ANKRD30BL: variants seen among roughly 807,000 people sequenced by gnomAD.
The protein encoded by ANKRD30BL is putative ankyrin repeat domain-containing protein 30B-like.
Under a neutral mutation model 18.4 loss-of-function variants are expected in ANKRD30BL, and 20 were observed. That is an observed-to-expected ratio of 1.09 (90% CI 0.77 to 1.58). The LOEUF (loss-of-function observed/expected upper bound fraction) is 1.58. ANKRD30BL is among the 40% of genes most tolerant of loss of function. The pLI is 0.00. For missense variants in ANKRD30BL, 224 were observed against 268.6 expected (o/e 0.83, Z 1.16); for synonymous variants, 72 against 100.9 (o/e 0.71, Z 1.72).
intron 1 of ANKRD30BL, among the ~76,000 whole-genome samples, chr2:132,251,472 C>T (rs1680647060): frequency 6.6e-6 from 1 of 152,186 alleles, no homozygotes; most frequent in African/African-American, 2.4e-5. Flanking sequence ...GACACGTTTT[C>T]CTCCACCCCT....
chr2:132,235,810 C>T (rs200383126), intron 1 of ANKRD30BL, among the ~76,000 whole-genome samples: 2 of 152,132 alleles, frequency 1.3e-5, no homozygotes, highest in Admixed American at 6.6e-5. Context: ...GCTACCAATG[C>T]CTTTCTTCAC....
intron 1 of ANKRD30BL, among the ~76,000 whole-genome samples, chr2:132,202,955 C>A (rs1001543129): frequency 6.6e-6 from 1 of 152,144 alleles, no homozygotes; most frequent in African/African-American, 2.4e-5. Context: ...ACTGGGAGAG[C>A]CTCACATGCA....
chr2:132,201,860 T>C (rs984344783), intron 1 of ANKRD30BL, among the ~76,000 whole-genome samples: 1 of 152,186 alleles, frequency 6.6e-6, no homozygotes, highest in South Asian at 2.1e-4. Context: ...TATTGTGGCA[T>C]TATTCACAAT....
At chr2:132,160,356 C>T (rs1688020052) in intron 1 of ANKRD30BL, among the ~76,000 whole-genome samples, 1 of 150,694 alleles carries the variant, frequency 6.6e-6, no homozygotes, top group African/African-American at 2.4e-5. Flanking sequence ...CCGCCTTGGC[C>T]GCCCGAAGTG....
chr2:132,185,480 A>G (rs565872943), intron 1 of ANKRD30BL, among the ~76,000 whole-genome samples: 36 of 152,332 alleles, frequency 2.4e-4, no homozygotes, highest in African/African-American at 8.7e-4. Context: ...TCATGGAAAG[A>G]AAGCAAAAGT....
chr2:132,188,942 C>T (rs2104736352), intron 1 of ANKRD30BL, among the ~76,000 whole-genome samples: 1 of 152,172 alleles, frequency 6.6e-6, no homozygotes, highest in African/African-American at 2.4e-5. Context: ...CCTCCAACTC[C>T]AGTTAAGGTG....
intron 1 of ANKRD30BL, among the ~76,000 whole-genome samples, chr2:132,217,318 T>C (rs1244166765): frequency 8.5e-5 from 13 of 152,232 alleles, no homozygotes; most frequent in South Asian, 2.1e-4. Context: ...CTGTGTGCAT[T>C]CACCTCACAG....
chr2:132,152,700 C>T (rs1162368191), intron 4 of ANKRD30BL: 1 of 152,032 alleles, frequency 6.6e-6, no homozygotes, highest in Non-Finnish European at 1.5e-5. Flanking sequence ...AAATGGATCT[C>T]TAATTTCTTC....
At chr2:132,222,218 G>T (rs543400489) in intron 1 of ANKRD30BL, among the ~76,000 whole-genome samples, 3,374 of 140,608 alleles carry the variant, frequency 0.024, 109 homozygotes, top group African/African-American at 0.086. Context: ...TGGTGGGGGG[G>T]TCAGCCCCCC....
At chr2:132,256,249 A>G (rs1030859566) in intron 1 of ANKRD30BL, among the ~76,000 whole-genome samples, 9 of 150,120 alleles carry the variant, frequency 6.0e-5, no homozygotes, top group Non-Finnish European at 1.2e-4. Flanking sequence ...CCCAGTTGCG[A>G]GATTGGGCGC....
In ANKRD30BL at chr2:132,222,832, T is replaced by TTA. The variant is rs559303905; in HGVS notation, n.441+34696_441+34697insTA. Among the ~76,000 whole-genome samples, 85 of 52,822 alleles carry TTA rather than the reference T, an allele frequency of 1.6e-3. 1 individual carries two copies. Among genetic ancestry groups the TTA allele is most frequent in the Admixed American group, 5.4e-3 (14 of 2,610 alleles). 34.7% of individuals were successfully genotyped at this position (52,822 alleles called of 152,430 possible). A position where few individuals can be genotyped will look rare whatever the true frequency, so the allele number is the denominator to read the frequency against. On this transcript the variant is annotated intron_variant and non_coding_transcript_variant, in intron 1 of 4. Transcript: ENST00000470729. The stretch of plus-strand genomic sequence containing the variant: ...GTGAGAAACAGCCAAGAATGATCAA[T>TTA]AAAAAAAAAAAAAAAAAAAAAAAAA...
At chr2:132,203,526 G>C in intron 1 of ANKRD30BL, among the ~76,000 whole-genome samples, 1 of 152,140 alleles carries the variant, frequency 6.6e-6, no homozygotes, top group Middle Eastern at 3.4e-3. Flanking sequence ...ATCTAATGCT[G>C]TTTAATTTCT....
chr2:132,150,310 GTTTA>G (rs1374241257), intron 5 of ANKRD30BL, among the ~76,000 whole-genome samples: 2 of 132,392 alleles, frequency 1.5e-5, no homozygotes, highest in Non-Finnish European at 3.0e-5. Context: ...ACAAATATTT[GTTTA>G]TTTAACAGTT....
chr2:132,201,284 C>A (rs1347092769), intron 1 of ANKRD30BL, among the ~76,000 whole-genome samples: 25 of 152,168 alleles, frequency 1.6e-4, no homozygotes, highest in Middle Eastern at 3.4e-3. Context: ...CCAAAGCCAA[C>A]ATTGACAAAT....
Position 132,147,768 on chromosome 2 carries a change from T to C in ANKRD30BL, c.*363A>G, listed in dbSNP as rs142873492. 2.4e-4 allele frequency: 63 copies of C among 261,296 alleles called. No individual in the cohort carries two copies. Among genetic ancestry groups the C allele is most frequent in the African/African-American group, 1.2e-3 (54 of 46,150 alleles). The allele number at this position is 261,296 out of a possible 1,614,324, so 16.2% of individuals were successfully genotyped here. ...ACTGCACACTCTAAGCCAATTCAGA[T>C]TGGCTATTTAAAGAGGGCAGGGGTA... is the stretch of plus-strand genomic sequence containing the variant. On this transcript the variant is annotated 3_prime_UTR_variant, in exon 6 of 6. Coordinates refer to ENST00000409867, the MANE Select transcript of ANKRD30BL (RefSeq NM_001358416.1).
At chr2:132,150,778 T>C (rs987955196) in intron 5 of ANKRD30BL, 134 bp downstream of exon 5, 3 of 340,712 alleles carry the variant, frequency 8.8e-6, no homozygotes, top group Non-Finnish European at 1.6e-5. Context: ...GCTTTGTATA[T>C]AAAAAAACAC....
chr2:132,163,461 C>A (rs1391495244), upstream of ANKRD30BL, among the ~76,000 whole-genome samples: 6 of 152,000 alleles, frequency 3.9e-5, no homozygotes, highest in Non-Finnish European at 8.8e-5. Context: ...CAGCATTTGA[C>A]CTTTTCAGTC....
chr2:132,237,212 G>A (rs6727456), intron 1 of ANKRD30BL, among the ~76,000 whole-genome samples: 1,985 of 151,870 alleles, frequency 0.013, 52 homozygotes, highest in African/African-American at 0.045. Flanking sequence ...CCAGCATGGC[G>A]CAAGTATACA....
chr2:132,249,592 C>T (rs74800087), intron 1 of ANKRD30BL, among the ~76,000 whole-genome samples: 5 of 151,492 alleles, frequency 3.3e-5, no homozygotes, highest in Non-Finnish European at 7.4e-5. Flanking sequence ...TGAATGTACA[C>T]ATCAAAAAAA....
Sources: gnomAD v4.1 joint callset for allele counts (sites outside exome capture counted in the v4.1 genomes callset) on GRCh38, gnomAD v4.1.1 for gene constraint, MANE v1.5 for transcripts, NCBI Gene and HGNC (gene_info 2026-07-23, HGNC 2026-07-21) for gene names.